The following GIPC2 variants were observed in gnomAD, a reference collection of about 807,000 sequenced individuals.
GIPC2 encodes the protein PDZ domain-containing protein GIPC2.
In GIPC2, 30 loss-of-function variants were observed where a neutral mutation model predicts 30.6. The ratio of observed to expected loss-of-function variants is 0.98; its 90% CI spans 0.73 to 1.33. The LOEUF is 1.33. GIPC2 is among the 40% of genes most tolerant of loss of function. The pLI is 0.00. For synonymous variants in GIPC2, 167 were observed against 150.0 expected (o/e 1.11, Z -0.83); for missense variants, 414 against 390.3 (o/e 1.06, Z -0.51).
At chr1:78,134,391 C>A (rs1662963192) in intron 5 of GIPC2, among the ~76,000 whole-genome samples, 1 of 151,034 alleles carries the variant, frequency 6.6e-6, no homozygotes, top group Non-Finnish European at 1.5e-5. Context: ...TGTATGTGAT[C>A]CATCTCCATA....
chr1:78,048,144 A>T (rs1389311854), intron 1 of GIPC2, among the ~76,000 whole-genome samples: 1 of 152,096 alleles, frequency 6.6e-6, no homozygotes, highest in Non-Finnish European at 1.5e-5. Context: ...GATATTTTTG[A>T]CTCACAATGG....
chr1:78,133,851 T>C (rs1418517567), intron 5 of GIPC2, among the ~76,000 whole-genome samples: 1 of 152,000 alleles, frequency 6.6e-6, no homozygotes, highest in East Asian at 1.9e-4. Context: ...TATATTACCA[T>C]CATTACTTAT....
chr1:78,064,685 G>A (rs1661468612), intron 1 of GIPC2, among the ~76,000 whole-genome samples: 1 of 151,564 alleles, frequency 6.6e-6, no homozygotes, highest in Non-Finnish European at 1.5e-5. Flanking sequence ...TTTAGAGAGA[G>A]GGTCTTGTTC....
intron 1 of GIPC2, among the ~76,000 whole-genome samples, chr1:78,058,966 A>G (rs1323057200): frequency 2.6e-5 from 4 of 152,170 alleles, no homozygotes; most frequent in African/African-American, 9.7e-5. Flanking sequence ...AATAGCTTCC[A>G]TTTCATCCTT....
chr1:78,071,770 C>T (rs1447383567), intron 1 of GIPC2, among the ~76,000 whole-genome samples: 3 of 152,154 alleles, frequency 2.0e-5, no homozygotes, highest in Non-Finnish European at 4.4e-5. Context: ...TACATCACAG[C>T]TACAGTATCA....
chr1:78,135,865 A>C lies in GIPC2; in HGVS notation c.*122A>C. 2 of 713,646 alleles carry C rather than the reference A, an allele frequency of 2.8e-6. No homozygotes were observed. Among genetic ancestry groups the C allele is most frequent in the Non-Finnish European group, 4.5e-6 (2 of 446,848 alleles). 44.2% of individuals were successfully genotyped at this position (713,646 alleles called of 1,614,324 possible). ...TCTGGTTTAATTTCATGTGTATGGA[A>C]TATATTCTTTGAAATATAATTTTGG... On this transcript the variant is annotated 3_prime_UTR_variant, in exon 6 of 6. Transcript: ENST00000370759.
chr1:78,054,990 A>G (rs1027374691), intron 1 of GIPC2, among the ~76,000 whole-genome samples: 3 of 152,170 alleles, frequency 2.0e-5, no homozygotes, highest in Non-Finnish European at 4.4e-5. Flanking sequence ...AGGCTCTTGC[A>G]GGTTATCTTG....
chr1:78,045,484 C>T (rs917136246), upstream of GIPC2: 3 of 841,542 alleles, frequency 3.6e-6, no homozygotes, highest in South Asian at 1.1e-4. Context: ...AGGAAGCAGC[C>T]CAGGAAATAG....
chr1:78,104,837 A>C (rs555373426), intron 3 of GIPC2, among the ~76,000 whole-genome samples: 2 of 152,146 alleles, frequency 1.3e-5, no homozygotes, highest in African/African-American at 4.8e-5. Flanking sequence ...TCTGACAGTG[A>C]TACTCTCTTT....
chr1:78,117,704 C>T (rs1048137353), intron 3 of GIPC2, among the ~76,000 whole-genome samples: 3 of 152,190 alleles, frequency 2.0e-5, no homozygotes, highest in African/African-American at 7.2e-5. Flanking sequence ...CCCTCCCCAC[C>T]TGCCTCTTCC....
At chr1:78,110,427 G>A (rs1043876174) in intron 3 of GIPC2, among the ~76,000 whole-genome samples, 2 of 152,164 alleles carry the variant, frequency 1.3e-5, no homozygotes, top group African/African-American at 4.8e-5. Flanking sequence ...TGAAAACACT[G>A]CACATCCAAC....
intron 5 of GIPC2, among the ~76,000 whole-genome samples, chr1:78,128,426 T>A (rs1338850661): frequency 1.3e-5 from 2 of 152,098 alleles, no homozygotes; most frequent in East Asian, 3.9e-4. Flanking sequence ...TAGGAAAAGA[T>A]CTAACTAGGA....
rs542037176 is a variant in GIPC2, at chr1:78,131,480, A to G, written c.797-4112A>G. On this transcript the variant is annotated intron_variant, in intron 5 of 5. Coordinates refer to ENST00000370759, the MANE Select transcript of GIPC2 (RefSeq NM_017655.6). The stretch of plus-strand genomic sequence containing the variant: ...GCCTCGGCCTCCCAAAGAAAATTCT[A>G]CTCTTCTAATGGAATATTTTTTGCC... 5.9e-5 allele frequency among the ~76,000 whole-genome samples: 9 copies of G among 151,684 alleles called. No homozygotes were observed. In the South Asian group the frequency reaches 1.9e-3, roughly 32 times the overall value.
intron 1 of GIPC2, among the ~76,000 whole-genome samples, chr1:78,059,392 T>C (rs959025960): frequency 5.9e-5 from 9 of 152,232 alleles, no homozygotes; most frequent in African/African-American, 2.2e-4. Context: ...GACAGTGTTT[T>C]GCAAGTGGCT....
chr1:78,128,298 T>G (rs943691114), intron 5 of GIPC2, among the ~76,000 whole-genome samples: 4 of 152,174 alleles, frequency 2.6e-5, no homozygotes, highest in African/African-American at 4.8e-5. Context: ...TCCCAAAGTG[T>G]TGGAATTACT....
At position 78,135,601 on chromosome 1, in the gene GIPC2, T is replaced by C. The variant is rs1212894813; in HGVS notation, c.806T>C (p.Met269Thr). ...ATATTATTTTTGATAGCCACCACAA[T>C]GTTTGAAGCTGGAAAGGACAAAGTA... ...GIRDIDLATT[M>T]FEAGKDKVNP... Residue 269 changes from methionine (M) to threonine (T), a missense_variant, in exon 6 of 6, where the codon ATG (methionine) becomes ACG (threonine). Transcript: ENST00000370759. 3 of 1,564,338 alleles carry C rather than the reference T, an allele frequency of 1.9e-6. No individual in the cohort carries two copies. The African/African-American group carries it at 4.1e-5, about 21-fold the overall frequency.
intron 2 of GIPC2, among the ~76,000 whole-genome samples, chr1:78,082,016 C>A (rs1661839187): frequency 1.3e-5 from 2 of 152,246 alleles, no homozygotes; most frequent in South Asian, 4.1e-4. Context: ...CGCAAAGTAG[C>A]CATTATTCTG....
intron 5 of GIPC2, among the ~76,000 whole-genome samples, chr1:78,128,366 G>T (rs187031251): frequency 1.4e-4 from 21 of 152,260 alleles, no homozygotes; most frequent in African/African-American, 5.1e-4. Context: ...AGATCTCAAG[G>T]AACAATAGAA....
At chr1:78,127,940 C>T (rs1400043435) in intron 5 of GIPC2, among the ~76,000 whole-genome samples, 2 of 152,086 alleles carry the variant, frequency 1.3e-5, no homozygotes, top group Non-Finnish European at 2.9e-5. Context: ...CCCCCTGTCT[C>T]GTCTGTCAAA....
Sources: gnomAD v4.1 joint callset for allele counts (sites outside exome capture counted in the v4.1 genomes callset) on GRCh38, gnomAD v4.1.1 for gene constraint, MANE v1.5 for transcripts, NCBI Gene and HGNC (gene_info 2026-07-23, HGNC 2026-07-21) for gene names.